KDM4C: variants seen among roughly 807,000 people sequenced by gnomAD.
The protein encoded by KDM4C is lysine-specific demethylase 4C.
In KDM4C, 81 loss-of-function variants were observed where a neutral mutation model predicts 129.3. The ratio of observed to expected loss-of-function variants is 0.63; its 90% CI spans 0.52 to 0.75. KDM4C has a LOEUF of 0.75. Among genes scored for constraint, KDM4C ranks in the 30% least tolerant of loss-of-function variants. The pLI is 0.00. For missense variants in KDM4C, 1,457 were observed against 1,304.0 expected (o/e 1.12, Z -1.81); for synonymous variants, 573 against 456.1 (o/e 1.26, Z -3.26).
chr9:7,008,007 A>G (rs1332675429), intron 12 of KDM4C, among the ~76,000 whole-genome samples: 1 of 152,172 alleles, frequency 6.6e-6, no homozygotes, highest in Non-Finnish European at 1.5e-5. Flanking sequence ...AAAGAGATAC[A>G]GGAACCAGAT....
chr9:6,984,400 C>G lies in KDM4C; in HGVS notation c.1350C>G (p.Leu450=), dbSNP rs1288919144. ...AGAATTTATCAGATCATATCAAACTCTCAGGTGAGAAGATGGTTGATTAGG... is the reference window on the plus strand; with the variant it reads ...AGAATTTATCAGATCATATCAAACTGTCAGGTGAGAAGATGGTTGATTAGG... ...VEQNLSDHIK[L]SGNSCLSTSV... Residue 450 remains leucine, a synonymous_variant, in exon 10 of 22, where the codon CTC becomes CTG. Transcript: ENST00000381309. 2 of 1,600,510 alleles carry G rather than the reference C, an allele frequency of 1.2e-6. No homozygotes were observed. Among genetic ancestry groups the G allele is most frequent in the Non-Finnish European group, 1.7e-6 (2 of 1,168,012 alleles).
chr9:6,963,232 T>G (rs1229433397), intron 8 of KDM4C, among the ~76,000 whole-genome samples: 1 of 152,228 alleles, frequency 6.6e-6, no homozygotes, highest in African/African-American at 2.4e-5. Context: ...TAGTTTTTAG[T>G]AAGCAAATAA....
intron 3 of KDM4C, among the ~76,000 whole-genome samples, chr9:6,806,309 A>G (rs1297740266): frequency 1.3e-5 from 2 of 152,210 alleles, no homozygotes; most frequent in East Asian, 3.9e-4. Context: ...AGTCTGATCA[A>G]CATGGAGAAA....
intron 17 of KDM4C, among the ~76,000 whole-genome samples, chr9:7,055,529 G>T (rs746151095): frequency 2.6e-5 from 4 of 152,186 alleles, no homozygotes; most frequent in African/African-American, 9.7e-5. Flanking sequence ...CTGCTTAGAA[G>T]CCTCTGTACA....
intron 8 of KDM4C, among the ~76,000 whole-genome samples, chr9:6,979,936 G>A (rs1816478191): frequency 6.6e-6 from 1 of 152,138 alleles, no homozygotes; most frequent in Non-Finnish European, 1.5e-5. Context: ...TTAATTTTAG[G>A]TATTTTGAAT....
intron 4 of KDM4C, chr9:6,835,684 G>A (rs1564123968): frequency 4.3e-6 from 3 of 696,358 alleles, no homozygotes; most frequent in Non-Finnish European, 7.8e-6. Context: ...TTTTGTTTTT[G>A]TTTTTGTTTT....
chr9:6,864,359 A>C (rs923678300), intron 5 of KDM4C, among the ~76,000 whole-genome samples: 8 of 152,202 alleles, frequency 5.3e-5, no homozygotes, highest in South Asian at 2.1e-4. Context: ...TCATTGAGAG[A>C]TCTGTTGCCA....
chr9:7,032,020 A>T (rs1196439180), intron 15 of KDM4C, among the ~76,000 whole-genome samples: 1 of 152,232 alleles, frequency 6.6e-6, no homozygotes, highest in Admixed American at 6.5e-5. Flanking sequence ...TTTCAGGTAA[A>T]GACAATTCAT....
At position 7,056,382 on chromosome 9, in the gene KDM4C, G is replaced by T. The variant is rs989716208; in HGVS notation, c.2424+7182G>T. On this transcript the variant is annotated intron_variant, in intron 17 of 21. Transcript: ENST00000381309. ...AAAAAAGTACATTAGTAGCTGTATAGTACTTAACTGTCAGAATGATTTGCT... is the reference window on the plus strand; with the variant it reads ...AAAAAAGTACATTAGTAGCTGTATATTACTTAACTGTCAGAATGATTTGCT... Among the ~76,000 whole-genome samples the T allele has an allele frequency of 1.5e-4, 22 of 151,188 alleles. 1 individual carries two copies. The highest frequency in any genetic ancestry group is 5.3e-4 in the African/African-American group (22 of 41,152).
rs142875354 is a variant in KDM4C, at chr9:6,879,525, G to C, written c.630-487G>C. On this transcript the variant is annotated intron_variant, in intron 5 of 21. Coordinates refer to ENST00000381309, the MANE Select transcript of KDM4C (RefSeq NM_015061.6). Reference sequence around the variant, plus strand: ...AAGATTTGGTGGAAATATAAATGTTGGTGTAATAATTTTGTGTTCTGTTCT... The same window carrying C: ...AAGATTTGGTGGAAATATAAATGTTCGTGTAATAATTTTGTGTTCTGTTCT... Among the ~76,000 whole-genome samples, 817 of 152,058 alleles carry C rather than the reference G, an allele frequency of 5.4e-3. 7 individuals are homozygous for C. The highest frequency in any genetic ancestry group is 0.019 in the African/African-American group (787 of 41,494).
intron 4 of KDM4C, among the ~76,000 whole-genome samples, chr9:6,846,170 T>C (rs1328491682): frequency 1.3e-5 from 2 of 152,186 alleles, no homozygotes; most frequent in African/African-American, 4.8e-5. Flanking sequence ...GAGGATGATA[T>C]GTTGTGTTTT....
Position 7,135,432 on chromosome 9 carries a change from C to G in KDM4C, c.2781+7196C>G, listed in dbSNP as rs1201784369. On this transcript the variant is annotated intron_variant, in intron 19 of 21. Coordinates refer to ENST00000381309, the MANE Select transcript of KDM4C (RefSeq NM_015061.6). The stretch of plus-strand genomic sequence containing the variant: ...GCATTTCATCTTCAGCCTAAAGAAT[C>G]AAAATAACTACCTTGAACTTGAGAG... Among the ~76,000 whole-genome samples, 7 of 152,104 alleles carry G rather than the reference C, an allele frequency of 4.6e-5. No individual in the cohort carries two copies. In the East Asian group the frequency reaches 1.4e-3, roughly 29 times the overall value.
In KDM4C at chr9:7,174,603, T is replaced by C; in HGVS notation, c.3045T>C (p.Ile1015=). The part of the protein sequence containing the change: ...RFEDTFYGAD[I]IQGERKRQRV... The stretch of plus-strand genomic sequence containing the variant: ...AAGACACGTTTTATGGAGCAGACAT[T>C]ATCCAAGGGGAGAGAAAGAGACAAA... Residue 1015 remains isoleucine (I), a synonymous_variant, in exon 22 of 22, where the codon ATT becomes ATC. Transcript: ENST00000381309. The C allele has an allele frequency of 6.2e-7, 1 of 1,614,220 alleles. No homozygotes were observed. The highest frequency in any genetic ancestry group is 1.3e-5 in the African/African-American group (1 of 75,054).
chr9:6,789,754 G>A lies in KDM4C; in HGVS notation c.-17-3218G>A, dbSNP rs576034785. ...CCCATGAATTTGGGGGTATGTACCTGTCTACACGTGAACAGAGGCAGGTAG... is the reference window on the plus strand; with the variant it reads ...CCCATGAATTTGGGGGTATGTACCTATCTACACGTGAACAGAGGCAGGTAG... On this transcript the variant is annotated intron_variant, in intron 1 of 21. Coordinates refer to ENST00000381309, the MANE Select transcript of KDM4C (RefSeq NM_015061.6). 2.6e-5 allele frequency among the ~76,000 whole-genome samples: 4 copies of A among 152,124 alleles called. No individual in the cohort carries two copies. In the East Asian group the frequency reaches 7.8e-4, roughly 30 times the overall value.
intron 8 of KDM4C, among the ~76,000 whole-genome samples, chr9:6,909,366 G>A (rs1021465256): frequency 1.1e-4 from 17 of 152,194 alleles, no homozygotes; most frequent in African/African-American, 3.6e-4. Context: ...GCTCTCAAGT[G>A]TAACACCTTT....
intron 12 of KDM4C, among the ~76,000 whole-genome samples, chr9:7,010,312 C>T (rs1177235626): frequency 6.6e-6 from 1 of 152,138 alleles, no homozygotes; most frequent in Non-Finnish European, 1.5e-5. Flanking sequence ...AAAATAATAA[C>T]AACAACAACC....
chr9:7,096,524 C>G (rs765420894), intron 17 of KDM4C, among the ~76,000 whole-genome samples: 6 of 152,114 alleles, frequency 3.9e-5, no homozygotes, highest in East Asian at 1.9e-4. Context: ...CTGTGCCAAG[C>G]TAGAATTCCC....
chr9:6,926,317 A>T lies in KDM4C; in HGVS notation c.921+33085A>T, dbSNP rs552842412. On this transcript the variant is annotated intron_variant, in intron 8 of 21. Coordinates refer to ENST00000381309, the MANE Select transcript of KDM4C (RefSeq NM_015061.6). ...CGTTTGTGAATAGAAACAAGTGGAG[A>T]AGCAGTTGTAGAGAGATAATTTGTA... is the stretch of plus-strand genomic sequence containing the variant. Among the ~76,000 whole-genome samples, 7 of 138,532 alleles carry T rather than the reference A, an allele frequency of 5.1e-5. No homozygotes were observed. In the East Asian group the frequency reaches 1.5e-3, roughly 30 times the overall value. 90.9% of individuals were successfully genotyped at this position (138,532 alleles called of 152,430 possible). A position where few individuals can be genotyped will look rare whatever the true frequency, so the allele number is the denominator to read the frequency against.
intron 1 of KDM4C, among the ~76,000 whole-genome samples, chr9:6,731,149 C>T (rs1357407476): frequency 6.6e-6 from 1 of 152,050 alleles, no homozygotes; most frequent in African/African-American, 2.4e-5. Context: ...GGAAACAGAA[C>T]ACTGTGGGCT....
Sources: allele counts gnomAD v4.1 joint callset (sites outside exome capture counted in the v4.1 genomes callset), GRCh38; gene constraint gnomAD v4.1.1; transcripts MANE v1.5; gene names NCBI Gene and HGNC (gene_info 2026-07-23, HGNC 2026-07-21).